DOCK5: variants seen among roughly 807,000 people sequenced by gnomAD.
DOCK5 encodes the protein dedicator of cytokinesis 5.
In DOCK5, 142 loss-of-function variants were observed where a neutral mutation model predicts 251.8. The ratio of observed to expected loss-of-function variants is 0.56; its 90% CI spans 0.49 to 0.65. DOCK5 has a LOEUF of 0.65. Ranked by LOEUF, DOCK5 falls within the 30% of genes least tolerant of loss-of-function variation. DOCK5 has a pLI of 0.00. For synonymous variants in DOCK5, 842 were observed against 835.5 expected, an observed-to-expected ratio of 1.01 and a Z score of -0.13; for missense variants, 2,111 against 2,312.3, an observed-to-expected ratio of 0.91 and a Z score of 1.79.
intron 25 of DOCK5, among the ~76,000 whole-genome samples, chr8:25,343,845 G>A (rs771864555): frequency 1.3e-5 from 2 of 152,078 alleles, no homozygotes; most frequent in African/African-American, 2.4e-5. Flanking sequence ...TCACTCTTTC[G>A]CCCAGGCTGG....
intron 11 of DOCK5, among the ~76,000 whole-genome samples, chr8:25,307,652 C>T (rs188401466): frequency 7.2e-5 from 11 of 152,192 alleles, no homozygotes; most frequent in Non-Finnish European, 8.8e-5. Context: ...TGATGTGCCT[C>T]CTGCTTAATT....
At chr8:25,302,897 CA>C (rs1238979634) in intron 10 of DOCK5, among the ~76,000 whole-genome samples, 2 of 152,076 alleles carry the variant, frequency 1.3e-5, no homozygotes, top group African/African-American at 2.4e-5. Context: ...TGGTGAGTGT[CA>C]GGGGCTGGAG....
chr8:25,374,010 A>T (rs17053499), intron 36 of DOCK5, among the ~76,000 whole-genome samples: 11,562 of 152,182 alleles, frequency 0.076, 523 homozygotes, highest in East Asian at 0.19. Flanking sequence ...TACGTAACCA[A>T]CGTGCATGTT....
At chr8:25,208,242 A>G (rs552460023) in intron 1 of DOCK5, among the ~76,000 whole-genome samples, 1 of 152,224 alleles carries the variant, frequency 6.6e-6, no homozygotes, top group African/African-American at 2.4e-5. Context: ...AGATGCTGTG[A>G]ACATTGTTGA....
chr8:25,308,305 T>C (rs562614960), intron 11 of DOCK5, among the ~76,000 whole-genome samples: 12 of 152,128 alleles, frequency 7.9e-5, no homozygotes, highest in Non-Finnish European at 1.0e-4. Flanking sequence ...ACTGTGCTTA[T>C]ATATAGGGGG....
chr8:25,359,494 T>G (rs1489581879), intron 28 of DOCK5, among the ~76,000 whole-genome samples: 1 of 152,230 alleles, frequency 6.6e-6, no homozygotes, highest in Non-Finnish European at 1.5e-5. Context: ...CCTTTACAAC[T>G]GGTCCGTGTG....
At chr8:25,384,451 A>ATTTTTTTTTTTTT (rs1311005105) in intron 40 of DOCK5, among the ~76,000 whole-genome samples, 5 of 26,548 alleles carry the variant, frequency 1.9e-4, no homozygotes, top group East Asian at 1.7e-3. Context: ...TTATTTATTT[A>ATTTTTTTTTTTTT]TTTATTTATT....
At position 25,325,447 on chromosome 8, in the gene DOCK5, A is replaced by G. The variant is rs772047553; in HGVS notation, c.1803A>G (p.Gln601=). ...TGGAGATGGAAGAAAAAGAGCTTCA[A>G]GCATCCAAAAACCTGGTCACCTTCA... ...TKMEMEEKEL[Q]ASKNLVTFTP... The change falls in exon 18 of 52, where the codon CAA becomes CAG. Residue 601 remains glutamine, a synonymous_variant. Coordinates refer to ENST00000276440, the MANE Select transcript of DOCK5 (RefSeq NM_024940.8). The G allele has an allele frequency of 1.2e-6, 2 of 1,613,998 alleles. No homozygotes were observed. The highest frequency in any genetic ancestry group is 4.5e-5 in the East Asian group (2 of 44,872).
At chr8:25,328,652 C>G (rs1027023943) in intron 18 of DOCK5, among the ~76,000 whole-genome samples, 1 of 152,126 alleles carries the variant, frequency 6.6e-6, no homozygotes, top group Non-Finnish European at 1.5e-5. Context: ...AGGTTAAAAG[C>G]CACTGGAGTT....
At chr8:25,380,923 A>AC (rs1259359306) in intron 39 of DOCK5, among the ~76,000 whole-genome samples, 2 of 150,802 alleles carry the variant, frequency 1.3e-5, no homozygotes, top group African/African-American at 2.4e-5. Flanking sequence ...AGGCAGCACC[A>AC]TTCCAAATGC....
intron 40 of DOCK5, among the ~76,000 whole-genome samples, chr8:25,385,029 T>C (rs1478457029): frequency 6.6e-6 from 1 of 151,358 alleles, no homozygotes; most frequent in Non-Finnish European, 1.5e-5. Flanking sequence ...GTAAAGGGGG[T>C]AGGAATAAGC....
intron 1 of DOCK5, among the ~76,000 whole-genome samples, chr8:25,216,142 G>A (rs543577243): frequency 4.0e-5 from 6 of 150,036 alleles, no homozygotes; most frequent in Admixed American, 6.6e-5. Context: ...ATGTCTATAC[G>A]TGTATACAAT....
At chr8:25,284,468 G>A (rs962126125) in intron 5 of DOCK5, among the ~76,000 whole-genome samples, 1 of 152,162 alleles carries the variant, frequency 6.6e-6, no homozygotes, top group Non-Finnish European at 1.5e-5. Flanking sequence ...TCCAGCTTCG[G>A]GCAGAAGGGG....
intron 48 of DOCK5, among the ~76,000 whole-genome samples, 194 bp from the exon 49 acceptor site, chr8:25,407,789 C>A (rs930285247): frequency 6.7e-6 from 1 of 149,472 alleles, no homozygotes; most frequent in Admixed American, 6.7e-5. Context: ...CCCAGCCACT[C>A]AGAAGTCAAG....
At chr8:25,290,641 TATA>T (rs1006382301) in intron 5 of DOCK5, among the ~76,000 whole-genome samples, 2,047 of 9,848 alleles carry the variant, frequency 0.21, 48 homozygotes, top group Middle Eastern at 0.38. Context: ...TCTCTGAAAT[TATA>T]ATTATTTCTC....
rs377088823 is a variant in DOCK5 at position 25,296,606 on chromosome 8, G to A, written c.564G>A (p.Glu188=). The A allele has an allele frequency of 2.2e-5, 35 of 1,612,460 alleles. No individual in the cohort carries two copies. Among genetic ancestry groups the A allele is most frequent in the Non-Finnish European group, 2.6e-5 (31 of 1,179,356 alleles). Residue 188 remains glutamate, a synonymous_variant, in exon 7 of 52, where the codon GAG becomes GAA. Transcript: ENST00000276440. ...TSTIALFKAH[E]VASKRIEEKI... ...CCATTGCCCTCTTCAAGGCCCATGA[G>A]GTGGCCTCCAAAAGGATTGAGGAAA... is the stretch of plus-strand genomic sequence containing the variant.
At chr8:25,357,247 G>A (rs1800592465) in intron 27 of DOCK5, among the ~76,000 whole-genome samples, 1 of 151,588 alleles carries the variant, frequency 6.6e-6, no homozygotes, top group Non-Finnish European at 1.5e-5. Flanking sequence ...GAATAGGCAA[G>A]GTCTTGGAGA....
At chr8:25,322,858 A>G (rs1805462966) in intron 16 of DOCK5, among the ~76,000 whole-genome samples, 1 of 152,180 alleles carries the variant, frequency 6.6e-6, no homozygotes. Flanking sequence ...AGGAGGTGCA[A>G]TTCAAGGGTG....
At chr8:25,334,257 G>T in intron 21 of DOCK5, 61 bp downstream of exon 21, 1 of 1,372,560 alleles carries the variant, frequency 7.3e-7, no homozygotes, top group South Asian at 1.2e-5. Flanking sequence ...TCTTAGGACT[G>T]GATTGTTGAG....
Sources: gnomAD v4.1 joint callset for allele counts (sites outside exome capture counted in the v4.1 genomes callset) on GRCh38, gnomAD v4.1.1 for gene constraint, MANE v1.5 for transcripts, NCBI Gene and HGNC (gene_info 2026-07-23, HGNC 2026-07-21) for gene names.